Variants in MMP24 observed in about 807,000 individuals in gnomAD.
MMP24 encodes matrix metalloproteinase-24.
Under a neutral mutation model 62.8 loss-of-function variants are expected in MMP24, and 25 were observed. The observed-to-expected ratio is 0.40, with a 90% CI of 0.29 to 0.56. The LOEUF is 0.56. Among genes scored for constraint, MMP24 ranks in the 20% least tolerant of loss-of-function variants. The pLI, the probability that MMP24 is intolerant of heterozygous loss-of-function variation, is 0.50. For synonymous variants in MMP24, 319 were observed against 350.5 expected (o/e 0.91, Z 1.00); for missense variants, 634 against 853.6 (o/e 0.74, Z 3.21).
chr20:35,266,823 T>G (rs763174860), intron 5 of MMP24, among the ~76,000 whole-genome samples: 1 of 151,904 alleles, frequency 6.6e-6, no homozygotes, highest in Admixed American at 6.6e-5. Context: ...GGCAGAGCAG[T>G]TGGAGTGGGT....
intron 1 of MMP24, among the ~76,000 whole-genome samples, chr20:35,242,758 T>G (rs1021477498): frequency 6.6e-6 from 1 of 152,206 alleles, no homozygotes. Flanking sequence ...TGCTGTCATG[T>G]CCATAAGTCA....
chr20:35,254,025 C>T (rs186649599), intron 3 of MMP24, among the ~76,000 whole-genome samples: 21 of 152,170 alleles, frequency 1.4e-4, no homozygotes, highest in South Asian at 4.1e-4. Flanking sequence ...CACACCACCA[C>T]GCCTGGCTAA....
intron 2 of MMP24, among the ~76,000 whole-genome samples, chr20:35,247,887 G>A (rs1259427658): frequency 1.3e-5 from 2 of 152,194 alleles, no homozygotes; most frequent in African/African-American, 4.8e-5. Flanking sequence ...GGTGGCAAGT[G>A]GAGGGAAGAC....
Position 35,266,175 on chromosome 20 carries a change from TAAAAAAAAAAAA to T in MMP24, c.980-1014_980-1003del, listed in dbSNP as rs35806814. On this transcript the variant is annotated intron_variant, in intron 5 of 8. Coordinates refer to ENST00000246186, the MANE Select transcript of MMP24 (RefSeq NM_006690.4). Reference sequence around the variant, plus strand: ...CAACATGGTGAAACCCCATCTCTGCTAAAAAAAAAAAAAAAAAAAAAAAAAAATCACCTGGGT... The same window carrying T: ...CAACATGGTGAAACCCCATCTCTGCTAAAAAAAAAAAAAAATCACCTGGGT... Among the ~76,000 whole-genome samples, 261 of 43,042 alleles carry T rather than the reference TAAAAAAAAAAAA, an allele frequency of 6.1e-3. 1 individual carries two copies. The highest frequency in any genetic ancestry group is 7.1e-3 in the Non-Finnish European group (187 of 26,242). 28.2% of individuals were successfully genotyped at this position (43,042 alleles called of 152,430 possible).
At position 35,246,948 on chromosome 20, in the gene MMP24, G is replaced by C. The variant is rs754028852; in HGVS notation, c.355G>C (p.Gly119Arg). The change falls in exon 2 of 9, where the codon GGG becomes CGG. Residue 119 changes from glycine to arginine, a missense_variant. Gly to Arg is a moderately radical substitution (Grantham distance 125, BLOSUM62 -2). Transcript: ENST00000246186. ...SAVSTMQQFY[G>R]IPVTGVLDQT... is the part of the protein sequence containing the mutation. Reference sequence around the variant, plus strand: ...AGTCTCCACTATGCAGCAGTTTTACGGGATCCCGGTCACCGGTGTGTTGGA... The same window carrying C: ...AGTCTCCACTATGCAGCAGTTTTACCGGATCCCGGTCACCGGTGTGTTGGA... The C allele has an allele frequency of 2.0e-5, 33 of 1,613,884 alleles. No individual in the cohort carries two copies. The highest frequency in any genetic ancestry group is 2.8e-5 in the Non-Finnish European group (33 of 1,179,902).
rs760553975 is a variant in MMP24, at chr20:35,254,503, G to A, written c.566G>A (p.Arg189His). ...GAGCTAGACACGCGGAAAGCTATTC[G>A]CCAGGCTTTCGATGTGTGGCAGAAG... ...VGELDTRKAI[R>H]QAFDVWQKVT... Residue 189 changes from arginine to histidine, a missense_variant, in exon 4 of 9, where the codon CGC (arginine) becomes CAC (histidine). Around this residue, in one of 3 missense-constraint regions of MMP24, gnomAD observed 212 missense variants for 259.6 expected, o/e 0.82. Transcript: ENST00000246186. 39 of 1,613,858 alleles carry A rather than the reference G, an allele frequency of 2.4e-5. No individual in the cohort carries two copies. Among genetic ancestry groups the A allele is most frequent in the Admixed American group, 1.5e-4 (9 of 59,996 alleles).
chr20:35,261,187 T>A (rs531328222), intron 4 of MMP24, among the ~76,000 whole-genome samples: 8 of 152,290 alleles, frequency 5.3e-5, no homozygotes. Context: ...CCCCCTAAGT[T>A]CAGGCCTCCT....
rs1310377936 is a variant in MMP24, at chr20:35,271,783, G to A, written c.1548G>A (p.Val516=). Residue 516 remains valine, a synonymous_variant, in exon 8 of 9, where the codon GTG becomes GTA. Coordinates refer to ENST00000246186, the MANE Select transcript of MMP24 (RefSeq NM_006690.4). The surrounding 1 kb of genome is among the most constrained non-coding windows in gnomAD (Gnocchi z 4.0). ...CTGGCTACCCTAAGCCCATCACCGT[G>A]TGGAAGGGCATCCCACAGGCTCCCC... The part of the protein sequence containing the change: ...TDPGYPKPIT[V]WKGIPQAPQG... 5.0e-6 allele frequency: 8 copies of A among 1,607,132 alleles called. No individual in the cohort carries two copies. The African/African-American group carries it at 5.3e-5, about 11-fold the overall frequency.
At chr20:35,227,528 T>C (rs996656168) in intron 1 of MMP24, among the ~76,000 whole-genome samples, 4 of 151,594 alleles carry the variant, frequency 2.6e-5, no homozygotes, top group Non-Finnish European at 5.9e-5. Context: ...GAAGACAAAT[T>C]TGGGCTCGAT....
chr20:35,267,341 A>T lies in MMP24; in HGVS notation c.1116A>T (p.Thr372=). Residue 372 remains threonine (T), a synonymous_variant, in exon 6 of 9, where the codon ACA becomes ACT. Coordinates refer to ENST00000246186, the MANE Select transcript of MMP24 (RefSeq NM_006690.4). ...PRPPLGDRPS[T]PGTKPNICDG... Reference sequence around the variant, plus strand: ...CGCCCCTCGGGGACCGGCCATCCACACCAGGCACCAAACCCAACATCTGTG... The same window carrying T: ...CGCCCCTCGGGGACCGGCCATCCACTCCAGGCACCAAACCCAACATCTGTG... 6.3e-7 allele frequency: 1 copy of T among 1,584,826 alleles called. No homozygotes were observed. The highest frequency in any genetic ancestry group is 8.6e-7 in the Non-Finnish European group (1 of 1,166,254).
In MMP24 at chr20:35,254,567, G is replaced by A. The variant is rs200622455; in HGVS notation, c.630G>A (p.Glu210=). 8.2e-5 allele frequency: 133 copies of A among 1,613,920 alleles called. No homozygotes were observed. Among genetic ancestry groups the A allele is most frequent in the Non-Finnish European group, 1.1e-4 (128 of 1,179,906 alleles). ...PLTFEEVPYH[E]IKSDRKEADI... ...CCTTTGAAGAGGTGCCATACCATGA[G>A]ATCAAAAGTGACCGGAAGGAGGCAG... Residue 210 remains glutamate, a synonymous_variant, in exon 4 of 9, where the codon GAG becomes GAA. Coordinates refer to ENST00000246186, the MANE Select transcript of MMP24 (RefSeq NM_006690.4).
Position 35,256,899 on chromosome 20 carries a change from A to T in MMP24, c.817+2145A>T, listed in dbSNP as rs371160898. On this transcript the variant is annotated intron_variant, in intron 4 of 8. Coordinates refer to ENST00000246186, the MANE Select transcript of MMP24 (RefSeq NM_006690.4). The stretch of plus-strand genomic sequence containing the variant: ...CTATCTTAATACCTAGAGTTTTCCT[A>T]CCTGGCCTGATCATAAGAACCAATG... 6.6e-5 allele frequency among the ~76,000 whole-genome samples: 10 copies of T among 152,160 alleles called. No individual in the cohort carries two copies. The South Asian group carries it at 1.9e-3, about 28-fold the overall frequency.
chr20:35,227,127 G>T (rs1220271625), intron 1 of MMP24, 143 bp downstream of exon 1: 4 of 680,442 alleles, frequency 5.9e-6, no homozygotes, highest in Non-Finnish European at 7.2e-6. Flanking sequence ...CCTTGGGTCC[G>T]GGCTGGCGCG....
Position 35,274,193 on chromosome 20 carries a change from T to A in MMP24, c.1601-79T>A. 7.1e-7 allele frequency: 1 copy of A among 1,407,230 alleles called. No homozygotes were observed. The highest frequency in any genetic ancestry group is 9.7e-7 in the Non-Finnish European group (1 of 1,026,922). 87.2% of individuals were successfully genotyped at this position (1,407,230 alleles called of 1,614,324 possible). A position where few individuals can be genotyped will look rare whatever the true frequency, so the allele number is the denominator to read the frequency against. On this transcript the variant is annotated intron_variant, in intron 8 of 8. Transcript: ENST00000246186. This position sits in a 1 kb window ranked among gnomAD's most constrained non-coding sequence, Gnocchi z 5.1. Reference sequence around the variant, plus strand: ...ACCTTGCCTCCCTTGCCACAGTGCCTGTGCCCTCCTTTTCACACTGCCCCA... The same window carrying A: ...ACCTTGCCTCCCTTGCCACAGTGCCAGTGCCCTCCTTTTCACACTGCCCCA...
intron 1 of MMP24, among the ~76,000 whole-genome samples, chr20:35,234,393 C>T (rs953872648): frequency 6.6e-6 from 1 of 152,180 alleles, no homozygotes; most frequent in African/African-American, 2.4e-5. Context: ...GCTGTAACTT[C>T]CATGAGGATG....
At position 35,269,763 on chromosome 20, in the gene MMP24, C is replaced by A; in HGVS notation, c.1198C>A (p.Arg400Ser). ...FRGEMFVFKD[R>S]WFWRLRNNRV... ...CCCCTCTCCCGCTTCCTCCCAGGAT[C>A]GCTGGTTCTGGCGTCTGCGCAATAA... Residue 400 changes from arginine to serine, a missense_variant, in exon 7 of 9, where the codon CGC (arginine) becomes AGC (serine). By Grantham distance (110) the Arg-to-Ser change is moderately radical (BLOSUM62 -1). Around this residue, in one of 3 missense-constraint regions of MMP24, gnomAD observed 399 missense variants for 530.8 expected, o/e 0.75. Coordinates refer to ENST00000246186, the MANE Select transcript of MMP24 (RefSeq NM_006690.4). This position sits in a 1 kb window ranked among gnomAD's most constrained non-coding sequence, Gnocchi z 4.6. 1 of 1,570,298 alleles carries A rather than the reference C, an allele frequency of 6.4e-7. No homozygotes were observed. Among genetic ancestry groups the A allele is most frequent in the East Asian group, 2.4e-5 (1 of 42,204 alleles).
rs907479851 is a variant in MMP24 at position 35,267,152 on chromosome 20, A to T, written c.980-53A>T. 3 of 1,434,238 alleles carry T rather than the reference A, an allele frequency of 2.1e-6. No individual in the cohort carries two copies. In the African/African-American group the frequency reaches 4.3e-5, roughly 20 times the overall value. The allele number at this position is 1,434,238 out of a possible 1,614,324, so 88.8% of individuals were successfully genotyped here. A position where few individuals can be genotyped will look rare whatever the true frequency, so the allele number is the denominator to read the frequency against. ...TGCCTGGGTGATGCTGAGACTGGCA[A>T]TGGGAGGCGGGAAACGGCTGCCCCC... On this transcript the variant is annotated intron_variant, in intron 5 of 8. Transcript: ENST00000246186.
Position 35,271,479 on chromosome 20 carries a change from G to A in MMP24, c.1334-90G>A. ...CTCTAACTGGGCCAAGGGGCTGAGG[G>A]CATCAGACTGTTTTCACCTGACACC... is the stretch of plus-strand genomic sequence containing the variant. On this transcript the variant is annotated intron_variant, in intron 7 of 8. Transcript: ENST00000246186. The surrounding 1 kb of genome is among the most constrained non-coding windows in gnomAD (Gnocchi z 4.0). The A allele has an allele frequency of 6.8e-7, 1 of 1,477,050 alleles. No homozygotes were observed. The highest frequency in any genetic ancestry group is 9.1e-7 in the Non-Finnish European group (1 of 1,094,842). 91.5% of individuals were successfully genotyped at this position (1,477,050 alleles called of 1,614,324 possible). A position where few individuals can be genotyped will look rare whatever the true frequency, so the allele number is the denominator to read the frequency against.
In MMP24 at chr20:35,274,760, C is replaced by T. The variant is rs1600811392; in HGVS notation, c.*151C>T. ...GAAGTGGTGGGTGCATTGGCCTAGG[C>T]TGAGCGTGGGGCAGGGAATTATGGG... is the stretch of plus-strand genomic sequence containing the variant. On this transcript the variant is annotated 3_prime_UTR_variant, in exon 9 of 9. Coordinates refer to ENST00000246186, the MANE Select transcript of MMP24 (RefSeq NM_006690.4). This position sits in a 1 kb window ranked among gnomAD's most constrained non-coding sequence, Gnocchi z 5.1. 1.4e-6 allele frequency: 1 copy of T among 700,560 alleles called. No homozygotes were observed. The highest frequency in any genetic ancestry group is 2.3e-6 in the Non-Finnish European group (1 of 427,234). 43.4% of individuals were successfully genotyped at this position (700,560 alleles called of 1,614,324 possible).
Sources: gnomAD v4.1 joint callset for allele counts (sites outside exome capture counted in the v4.1 genomes callset) on GRCh38, gnomAD v4.1.1 for gene constraint, gnomAD v4.1.1 regional missense constraint, Gnocchi (gnomAD v3.1) non-coding constraint, MANE v1.5 for transcripts, NCBI Gene and HGNC (gene_info 2026-07-23, HGNC 2026-07-21) for gene names.